Variants in ZNF599 observed in about 807,000 individuals in gnomAD.
ZNF599 encodes zinc finger protein 599.
A neutral mutation model predicts 11.7 loss-of-function variants in ZNF599; 10 were observed. That is an observed-to-expected ratio of 0.86 (90% CI 0.53 to 1.45). ZNF599 has a LOEUF of 1.45. Among genes scored for constraint, ZNF599 ranks in the 40% most tolerant of loss-of-function variants. The pLI, the probability that ZNF599 is intolerant of heterozygous loss-of-function variation, is 0.00. For synonymous variants in ZNF599, 232 were observed against 253.2 expected (o/e 0.92, Z 0.79); for missense variants, 688 against 713.6 (o/e 0.96, Z 0.41).
At chr19:34,780,962 G>A in the ZNF599 span, among the ~76,000 whole-genome samples, 21 of 152,060 alleles carry the variant, frequency 1.4e-4, no homozygotes, top group African/African-American at 5.1e-4. Context: ...CGAGACCATC[G>A]TGGCTAACAC....
Position 34,760,179 on chromosome 19 carries a change from A to T in ZNF599, c.622T>A (p.Phe208Ile), listed in dbSNP as rs142547958. The T allele has an allele frequency of 2.5e-6, 4 of 1,614,088 alleles. No homozygotes were observed. In the South Asian group the frequency reaches 4.4e-5, roughly 18 times the overall value. Residue 208 changes from phenylalanine (F) to isoleucine (I), a missense_variant, in exon 4 of 4, where the codon TTT (phenylalanine) becomes ATT (isoleucine). Coordinates refer to ENST00000329285, the MANE Select transcript of ZNF599 (RefSeq NM_001007248.3). ...PYTCTECGKGFSKKWALVRHQ... is the reference protein window; with the variant it reads ...PYTCTECGKGISKKWALVRHQ... ...CGAACAAGGGCCCACTTCTTGCTAA[A>T]CCCTTTCCCACATTCCGTGCATGTG...
At chr19:34,777,400 TATTA>T (rs1249027742), upstream of ZNF599, among the ~76,000 whole-genome samples, 9 of 88,760 alleles carry the variant, frequency 1.0e-4, no homozygotes, top group African/African-American at 4.1e-4. Context: ...ATATAATATA[TATTA>T]TATATAATAT....
the ZNF599 span, among the ~76,000 whole-genome samples, chr19:34,786,762 C>T: frequency 6.6e-6 from 1 of 152,150 alleles, no homozygotes; most frequent in African/African-American, 2.4e-5. Context: ...TGTGGCCACC[C>T]AAGCTGATGC....
At chr19:34,803,786 A>G in the ZNF599 span, among the ~76,000 whole-genome samples, 1 of 152,070 alleles carries the variant, frequency 6.6e-6, no homozygotes, top group Non-Finnish European at 1.5e-5. Flanking sequence ...TTCCAAACAC[A>G]ACCAAACTTG....
the ZNF599 span, among the ~76,000 whole-genome samples, chr19:34,800,588 T>TTG: frequency 1.2e-4 from 16 of 138,636 alleles, no homozygotes; most frequent in Non-Finnish European, 2.3e-4. Flanking sequence ...TTTCCTTTGT[T>TTG]TTTTTTTTTT....
the ZNF599 span, among the ~76,000 whole-genome samples, chr19:34,797,803 A>G: frequency 0.37 from 55,885 of 152,118 alleles, 10,676 homozygotes; most frequent in South Asian, 0.45. Flanking sequence ...CAAACAATCA[A>G]TAGAAGCAGG....
chr19:34,779,436 CT>C, the ZNF599 span: 1 of 455,894 alleles, frequency 2.2e-6, no homozygotes, highest in Admixed American at 2.4e-5. Context: ...CTCATGAAAA[CT>C]TTCATCAGAG....
At chr19:34,807,281 G>C in the ZNF599 span, among the ~76,000 whole-genome samples, 1 of 152,106 alleles carries the variant, frequency 6.6e-6, no homozygotes, top group Admixed American at 6.5e-5. Flanking sequence ...TTGAAAGTAG[G>C]AGTCCGGCGG....
the ZNF599 span, among the ~76,000 whole-genome samples, chr19:34,797,364 T>C: frequency 6.6e-6 from 1 of 152,090 alleles, no homozygotes; most frequent in African/African-American, 2.4e-5. Context: ...GTATTTCTAT[T>C]TCTAGATCCC....
At chr19:34,804,933 G>C in the ZNF599 span, among the ~76,000 whole-genome samples, 1 of 152,074 alleles carries the variant, frequency 6.6e-6, no homozygotes, top group African/African-American at 2.4e-5. Flanking sequence ...TAGTGTTATC[G>C]GTATTGCACA....
the ZNF599 span, among the ~76,000 whole-genome samples, chr19:34,783,411 T>C: frequency 1.3e-5 from 2 of 152,082 alleles, no homozygotes; most frequent in Non-Finnish European, 2.9e-5. Context: ...TTTAGTAAGC[T>C]CTGGGTTATA....
chr19:34,786,307 C>G, the ZNF599 span, among the ~76,000 whole-genome samples: 4 of 152,136 alleles, frequency 2.6e-5, no homozygotes, highest in Non-Finnish European at 1.5e-5. Flanking sequence ...CACACCATTC[C>G]TTGGGTATGA....
chr19:34,793,240 A>G, the ZNF599 span, among the ~76,000 whole-genome samples: 1 of 152,142 alleles, frequency 6.6e-6, no homozygotes, highest in Non-Finnish European at 1.5e-5. Flanking sequence ...CAAAAATGTT[A>G]TTGTTCTCTT....
At chr19:34,802,902 C>T in the ZNF599 span, among the ~76,000 whole-genome samples, 12 of 152,156 alleles carry the variant, frequency 7.9e-5, no homozygotes, top group African/African-American at 2.9e-4. Flanking sequence ...AAGGGAGGAG[C>T]CAGCACTGGC....
Position 34,759,531 on chromosome 19 carries a change from C to T in ZNF599, c.1270G>A (p.Glu424Lys). 6.2e-7 allele frequency: 1 copy of T among 1,613,758 alleles called. No individual in the cohort carries two copies. The highest frequency in any genetic ancestry group is 8.5e-7 in the Non-Finnish European group (1 of 1,179,928). ...KRTHTGEKPFECKECGKAFCD... is the reference protein window; with the variant it reads ...KRTHTGEKPFKCKECGKAFCD... ...AAGGCCTTCCCACATTCTTTGCACT[C>T]AAAGGGCTTCTCTCCGGTATGGGTC... Residue 424 changes from glutamate to lysine, a missense_variant, in exon 4 of 4, where the codon GAG (glutamate) becomes AAG (lysine). Coordinates refer to ENST00000329285, the MANE Select transcript of ZNF599 (RefSeq NM_001007248.3).
chr19:34,800,399 T>A, the ZNF599 span, among the ~76,000 whole-genome samples: 1 of 152,156 alleles, frequency 6.6e-6, no homozygotes, highest in Admixed American at 6.5e-5. Flanking sequence ...TAAAGTGAAT[T>A]TCTTGAAGAT....
chr19:34,765,460 C>T (rs560839449), intron 3 of ZNF599: 18 of 660,490 alleles, frequency 2.7e-5, no homozygotes, highest in Non-Finnish European at 5.0e-5. Flanking sequence ...CCTGGACTCC[C>T]AATCCATAGG....
the ZNF599 span, among the ~76,000 whole-genome samples, chr19:34,805,193 C>G: frequency 6.9e-6 from 1 of 144,018 alleles, no homozygotes; most frequent in Non-Finnish European, 1.5e-5. Context: ...TCCCTAAGTG[C>G]TACCTTTTTT....
the ZNF599 span, among the ~76,000 whole-genome samples, chr19:34,807,369 G>A: frequency 5.6e-3 from 856 of 152,216 alleles, 6 homozygotes; most frequent in African/African-American, 0.019. Context: ...CAGAAACTGC[G>A]GTGACTAGGA....
Sources: allele counts gnomAD v4.1 joint callset (sites outside exome capture counted in the v4.1 genomes callset), GRCh38; gene constraint gnomAD v4.1.1; transcripts MANE v1.5; gene names NCBI Gene and HGNC (gene_info 2026-07-23, HGNC 2026-07-21).